Variants in PIEZO1 observed in about 807,000 individuals in gnomAD.
PIEZO1 encodes piezo-type mechanosensitive ion channel component 1.
Under a neutral mutation model 297.2 loss-of-function variants are expected in PIEZO1, and 296 were observed. The observed-to-expected ratio is 1.00, with a 90% CI of 0.91 to 1.10. PIEZO1 has a LOEUF of 1.10. Ranked by LOEUF, PIEZO1 falls within the 50% of genes least tolerant of loss-of-function variation. The probability of loss-of-function intolerance (pLI) is 0.00; values close to 1 mark genes in which losing one functional copy is unlikely to be tolerated. For synonymous variants in PIEZO1, 2,427 were observed against 1,507.5 expected, an observed-to-expected ratio of 1.61 and a Z score of -14.13; for missense variants, 5,018 against 3,455.5, an observed-to-expected ratio of 1.45 and a Z score of -11.34.
chr16:88,721,358 C>G lies in PIEZO1; in HGVS notation c.5476G>C (p.Gly1826Arg), dbSNP rs1365365862. 1 of 1,549,256 alleles carries G rather than the reference C, an allele frequency of 6.5e-7. No homozygotes were observed. The highest frequency in any genetic ancestry group is 2.0e-5 in the Admixed American group (1 of 51,002). Residue 1826 changes from glycine to arginine, a missense_variant, in exon 39 of 51, where the codon GGA (glycine) becomes CGA (arginine). Transcript: ENST00000301015. ...EHDKSGEEEQGAEEGPGVPAA... is the reference protein window; with the variant it reads ...EHDKSGEEEQRAEEGPGVPAA... ...GGCACCCCTGGCCCCTCCTCGGCTC[C>G]CTGCTCCTCCTCGCCGCTCTTGTCA...
chr16:88,764,308 A>G (rs181542508), intron 1 of PIEZO1, among the ~76,000 whole-genome samples: 139 of 152,254 alleles, frequency 9.1e-4, no homozygotes, highest in Non-Finnish European at 1.5e-3. Flanking sequence ...CATATAACCC[A>G]TTCTCCAGAG....
chr16:88,777,652 G>A (rs1283433154), intron 1 of PIEZO1, among the ~76,000 whole-genome samples: 2 of 152,212 alleles, frequency 1.3e-5, no homozygotes, highest in Non-Finnish European at 2.9e-5. Flanking sequence ...CGTTTTAAAC[G>A]GTACTTTAAC....
intron 1 of PIEZO1, among the ~76,000 whole-genome samples, chr16:88,784,535 C>G (rs1332149326): frequency 2.0e-5 from 3 of 152,068 alleles, no homozygotes; most frequent in Admixed American, 6.5e-5. Context: ...GTGCTCCCCC[C>G]ACCACCGCCG....
rs200653120 is a variant in PIEZO1 at position 88,723,915 on chromosome 16, C to A, written c.4291G>T (p.Ala1431Ser). The A allele has an allele frequency of 7.7e-6, 12 of 1,549,570 alleles. No individual in the cohort carries two copies. The Admixed American group carries it at 2.4e-4, about 30-fold the overall frequency. ...GACGGCCTCGGGTCTTCAGGAACAG[C>A]CTCCTCCTCTTCCTCACTGTCGGAC... Reference protein sequence around the residue: ...FESDSEEEEEAVPEDPRPSAQ... With the variant: ...FESDSEEEEESVPEDPRPSAQ... Residue 1431 changes from alanine (A) to serine (S), a missense_variant, in exon 31 of 51, where the codon GCT (alanine) becomes TCT (serine). Coordinates refer to ENST00000301015, the MANE Select transcript of PIEZO1 (RefSeq NM_001142864.4).
chr16:88,722,277 C>G lies in PIEZO1; in HGVS notation c.4896G>C (p.Glu1632Asp), dbSNP rs962790927. The change falls in exon 36 of 51, where the codon GAG (glutamate) becomes GAC (aspartate). Residue 1632 changes from glutamate (E) to aspartate (D), a missense_variant. Transcript: ENST00000301015. ...EEAVTDPGER[E>D]AGASLYQGLM... ...GTCCCTGGTACAGAGAGGCACCAGC[C>G]TCACGCTCCCCGGGGTCGGTGACTG... 5 of 1,548,462 alleles carry G rather than the reference C, an allele frequency of 3.2e-6. No homozygotes were observed. In the African/African-American group the frequency reaches 6.8e-5, roughly 21 times the overall value.
Position 88,721,934 on chromosome 16 carries a change from G to A in PIEZO1, c.5088C>T (p.Ile1696=), listed in dbSNP as rs924341945. 10 of 1,550,052 alleles carry A rather than the reference G, an allele frequency of 6.5e-6. No individual in the cohort carries two copies. In the African/African-American group the frequency reaches 8.2e-5, roughly 13 times the overall value. ...CGGAGGCCGTGACCATGTGGTTGAG[G>A]ATGATGATGAAGTAGCAGAGCAGCT... ...HSELLCYFII[I]LNHMVTASAG... Residue 1696 remains isoleucine (I), a synonymous_variant, in exon 37 of 51, where the codon ATC becomes ATT. Coordinates refer to ENST00000301015, the MANE Select transcript of PIEZO1 (RefSeq NM_001142864.4).
intron 27 of PIEZO1, chr16:88,726,029 A>C: frequency 1.8e-6 from 1 of 568,706 alleles, no homozygotes; most frequent in Non-Finnish European, 3.1e-6. Context: ...CCTTAGTGGG[A>C]AAGTTGGCTG....
At chr16:88,750,103 A>G (rs1353317401) in intron 1 of PIEZO1, among the ~76,000 whole-genome samples, 1 of 149,580 alleles carries the variant, frequency 6.7e-6, no homozygotes, top group Non-Finnish European at 1.5e-5. Flanking sequence ...GGGAGGCTGC[A>G]GCAGGAGGAT....
chr16:88,767,001 G>A (rs889764), intron 1 of PIEZO1, among the ~76,000 whole-genome samples: 1 of 152,164 alleles, frequency 6.6e-6, no homozygotes, highest in African/African-American at 2.4e-5. Context: ...AACACCCAAG[G>A]TCCTCACAGT....
intron 36 of PIEZO1, 55 bp downstream of exon 36, chr16:88,722,163 C>A: frequency 1.3e-6 from 2 of 1,525,256 alleles, no homozygotes; most frequent in Non-Finnish European, 8.8e-7. Context: ...TGCCCCTGTT[C>A]GGCTGCTCCC....
chr16:88,740,720 G>A (rs1425853901), intron 5 of PIEZO1: 1 of 152,354 alleles, frequency 6.6e-6, no homozygotes, highest in Admixed American at 6.5e-5. Flanking sequence ...CATGTGCGTG[G>A]CGAGCATCAG....
intron 1 of PIEZO1, among the ~76,000 whole-genome samples, chr16:88,758,692 C>A (rs1906787954): frequency 6.6e-6 from 1 of 152,226 alleles, no homozygotes; most frequent in South Asian, 2.1e-4. Flanking sequence ...CAGAATGACA[C>A]CACTGGGCTC....
Position 88,720,173 on chromosome 16 carries a change from G to A in PIEZO1, c.6060C>T (p.Ala2020=), listed in dbSNP as rs1246856884. Residue 2020 remains alanine (A), a synonymous_variant, in exon 42 of 51, where the codon GCC becomes GCT. Coordinates refer to ENST00000301015, the MANE Select transcript of PIEZO1 (RefSeq NM_001142864.4). ...CCAGCACGGTCTTGCGCAGGTAGAG[G>A]GCGCGGTCAACCACCATGGTACTGA... ...IQFSTMVVDR[A]LYLRKTVLGK... is the part of the protein sequence containing the mutation. 3.9e-6 allele frequency: 6 copies of A among 1,550,386 alleles called. No homozygotes were observed. The highest frequency in any genetic ancestry group is 1.2e-5 in the South Asian group (1 of 84,072).
intron 44 of PIEZO1, chr16:88,717,999 C>T (rs1597441354): frequency 3.0e-6 from 1 of 333,184 alleles, no homozygotes; most frequent in East Asian, 8.4e-5. Context: ...GGGAGAATCG[C>T]TTGAACCTGG....
At chr16:88,765,684 T>A (rs1907144152) in intron 1 of PIEZO1, among the ~76,000 whole-genome samples, 1 of 151,148 alleles carries the variant, frequency 6.6e-6, no homozygotes, top group African/African-American at 2.4e-5. Context: ...TTTTTTTTTT[T>A]TTTTGAGACA....
At chr16:88,754,697 A>T (rs1355100979) in intron 1 of PIEZO1, among the ~76,000 whole-genome samples, 1 of 152,172 alleles carries the variant, frequency 6.6e-6, no homozygotes, top group Non-Finnish European at 1.5e-5. Context: ...CAGGATTTTG[A>T]GCAGGGGGGC....
Position 88,721,964 on chromosome 16 carries a change from G to A in PIEZO1, c.5058C>T (p.His1686=), listed in dbSNP as rs887169281. The part of the protein sequence containing the change: ...LRAVYQCVAA[H]SELLCYFIII... ...TGATGAAGTAGCAGAGCAGCTCCGA[G>A]TGGGCGGCCACACACTGGTACACGG... The change falls in exon 37 of 51, where the codon CAC becomes CAT. Residue 1686 remains histidine (H), a synonymous_variant. Transcript: ENST00000301015. 10 of 1,549,966 alleles carry A rather than the reference G, an allele frequency of 6.5e-6. No individual in the cohort carries two copies. The highest frequency in any genetic ancestry group is 8.7e-6 in the Non-Finnish European group (10 of 1,146,826).
intron 10 of PIEZO1, 173 bp from the exon 11 acceptor site, chr16:88,736,912 G>A (rs1905259890): frequency 1.8e-5 from 9 of 504,300 alleles, no homozygotes; most frequent in East Asian, 3.5e-5. Flanking sequence ...GTCCCTGAGC[G>A]TCAGGGATGG....
chr16:88,755,463 C>T (rs558062447), intron 1 of PIEZO1, among the ~76,000 whole-genome samples: 9 of 152,246 alleles, frequency 5.9e-5, no homozygotes, highest in South Asian at 2.1e-4. Context: ...CCACCCGCCA[C>T]GTTCCCAGCC....
Sources: gnomAD v4.1 joint callset for allele counts (sites outside exome capture counted in the v4.1 genomes callset) on GRCh38, gnomAD v4.1.1 for gene constraint, MANE v1.5 for transcripts, NCBI Gene and HGNC (gene_info 2026-07-23, HGNC 2026-07-21) for gene names.